GPR39: variants seen among roughly 807,000 people sequenced by gnomAD.
GPR39 encodes the protein zinc sensing receptor.
GPR39 carries 23 observed loss-of-function variants against 18.4 expected under a neutral mutation model. The ratio of observed to expected loss-of-function variants is 1.25; its 90% CI spans 0.90 to 1.77. GPR39 has a LOEUF of 1.77. Ranked by LOEUF, GPR39 falls within the 40% of genes most tolerant of loss-of-function variation. The pLI, the probability that GPR39 is intolerant of heterozygous loss-of-function variation, is 0.00. For synonymous variants in GPR39, 280 were observed against 257.9 expected (o/e 1.09, Z -0.82); for missense variants, 647 against 602.4 (o/e 1.07, Z -0.78).
rs369711864 is a variant in GPR39, at chr2:132,598,018, A to G, written c.857-47083A>G. ...CCACATTGAGCTCAGCTAATCCATC[A>G]GTAGCTGTTTGTTCCTGAGACTGAC... On this transcript the variant is annotated intron_variant, in intron 1 of 1. Transcript: ENST00000329321. Among the ~76,000 whole-genome samples, 5 of 152,326 alleles carry G rather than the reference A, an allele frequency of 3.3e-5. No individual in the cohort carries two copies. The South Asian group carries it at 6.2e-4, about 19-fold the overall frequency.
chr2:132,590,170 G>T (rs979318747), intron 1 of GPR39, among the ~76,000 whole-genome samples: 6 of 152,202 alleles, frequency 3.9e-5, no homozygotes, highest in African/African-American at 1.2e-4. Context: ...CAAAGATGCT[G>T]CAAGGTAATG....
At position 132,435,450 on chromosome 2, in the gene GPR39, T is replaced by A. The variant is rs186115905; in HGVS notation, c.856+17552T>A. 7.6e-3 allele frequency among the ~76,000 whole-genome samples: 1,154 copies of A among 152,352 alleles called. 20 individuals are homozygous for A. The highest frequency in any genetic ancestry group is 6.6e-3 in the Non-Finnish European group (451 of 68,036). The stretch of plus-strand genomic sequence containing the variant: ...TCTCTAGCTTACTTTATGGTATGTA[T>A]ACAATACATACACAAAATATGTGTT... On this transcript the variant is annotated intron_variant, in intron 1 of 1. Coordinates refer to ENST00000329321, the MANE Select transcript of GPR39 (RefSeq NM_001508.3).
intron 1 of GPR39, among the ~76,000 whole-genome samples, chr2:132,431,872 A>G (rs1680229242): frequency 6.6e-6 from 1 of 152,196 alleles, no homozygotes; most frequent in Non-Finnish European, 1.5e-5. Flanking sequence ...GTAGACATTT[A>G]TTTTCTCACA....
At chr2:132,551,721 A>G (rs1382736888) in intron 1 of GPR39, among the ~76,000 whole-genome samples, 1 of 152,254 alleles carries the variant, frequency 6.6e-6, no homozygotes, top group Non-Finnish European at 1.5e-5. Context: ...TACCTGCACT[A>G]TATTTCAACT....
intron 1 of GPR39, among the ~76,000 whole-genome samples, chr2:132,516,051 G>T (rs377037185): frequency 9.2e-5 from 14 of 152,050 alleles, no homozygotes; most frequent in African/African-American, 3.4e-4. Context: ...AGTGACTGAC[G>T]GAAAGATCTT....
chr2:132,417,491 G>C lies in GPR39; in HGVS notation c.449G>C (p.Cys150Ser). 6.2e-7 allele frequency: 1 copy of C among 1,614,178 alleles called. No homozygotes were observed. Among genetic ancestry groups the C allele is most frequent in the Non-Finnish European group, 8.5e-7 (1 of 1,180,032 alleles). The change falls in exon 1 of 2, where the codon TGC (cysteine) becomes TCC (serine). Residue 150 changes from cysteine (C) to serine (S), a missense_variant. By Grantham distance (112) the Cys-to-Ser change is moderately radical. Coordinates refer to ENST00000329321, the MANE Select transcript of GPR39 (RefSeq NM_001508.3). The stretch of plus-strand genomic sequence containing the variant: ...AGGTACAAGGCTGTGTCGGGACCTT[G>C]CCAGGTGAAGCTGCTGATTGGCTTC... Reference protein sequence around the residue: ...PFRYKAVSGPCQVKLLIGFVW... With the variant: ...PFRYKAVSGPSQVKLLIGFVW...
chr2:132,606,915 G>A (rs1393064855), intron 1 of GPR39, among the ~76,000 whole-genome samples: 1 of 152,170 alleles, frequency 6.6e-6, no homozygotes, highest in East Asian at 1.9e-4. Flanking sequence ...CAAGGGAGAA[G>A]TAGGCTCCAA....
At chr2:132,594,313 T>C (rs1212938198) in intron 1 of GPR39, among the ~76,000 whole-genome samples, 1 of 152,150 alleles carries the variant, frequency 6.6e-6, no homozygotes, top group Admixed American at 6.5e-5. Context: ...CTTTTTTGGC[T>C]AAAATGATCT....
intron 1 of GPR39, among the ~76,000 whole-genome samples, chr2:132,610,777 C>CAAAAAAAAA (rs34611787): frequency 1.1e-4 from 10 of 88,726 alleles, no homozygotes; most frequent in African/African-American, 4.5e-4. Context: ...ACTCTGTCTC[C>CAAAAAAAAA]AAAAAAAAAA....
chr2:132,548,052 C>T (rs1405447422), intron 1 of GPR39, among the ~76,000 whole-genome samples: 1 of 152,160 alleles, frequency 6.6e-6, no homozygotes, highest in Non-Finnish European at 1.5e-5. Context: ...CCCGCTTACG[C>T]CCCTTCCCAA....
intron 1 of GPR39, among the ~76,000 whole-genome samples, chr2:132,548,890 C>T (rs925921378): frequency 4.6e-5 from 7 of 152,198 alleles, no homozygotes; most frequent in African/African-American, 1.7e-4. Flanking sequence ...CCTATACATT[C>T]ACATTGTTCA....
chr2:132,595,384 A>G (rs1680921196), intron 1 of GPR39, among the ~76,000 whole-genome samples: 1 of 152,070 alleles, frequency 6.6e-6, no homozygotes, highest in Non-Finnish European at 1.5e-5. Context: ...TTGCACTCCA[A>G]GCTAAGGTTA....
chr2:132,586,963 A>G (rs1282448262), intron 1 of GPR39, among the ~76,000 whole-genome samples: 3 of 152,256 alleles, frequency 2.0e-5, no homozygotes, highest in African/African-American at 7.2e-5. Flanking sequence ...TGCAATGGAA[A>G]GTAGGATTTT....
intron 1 of GPR39, among the ~76,000 whole-genome samples, chr2:132,561,414 C>T (rs1215025291): frequency 6.6e-6 from 1 of 152,138 alleles, no homozygotes; most frequent in Admixed American, 6.6e-5. Context: ...TTAACTGCTG[C>T]CTTAGTGTAG....
chr2:132,456,974 G>T (rs1009583402), intron 1 of GPR39, among the ~76,000 whole-genome samples: 2 of 152,104 alleles, frequency 1.3e-5, no homozygotes, highest in African/African-American at 4.8e-5. Flanking sequence ...GGCTCTCCTC[G>T]AGGAGTATCT....
chr2:132,453,936 T>C (rs1231865727), intron 1 of GPR39, among the ~76,000 whole-genome samples: 1 of 152,216 alleles, frequency 6.6e-6, no homozygotes, highest in Non-Finnish European at 1.5e-5. Flanking sequence ...CTTTGTTCCT[T>C]TGGCTTAGGA....
At chr2:132,545,421 C>G (rs1679929234) in intron 1 of GPR39, among the ~76,000 whole-genome samples, 1 of 152,198 alleles carries the variant, frequency 6.6e-6, no homozygotes, top group South Asian at 2.1e-4. Context: ...CTCTCATGTT[C>G]TATTGTGCAC....
chr2:132,472,667 C>T (rs1362971428), intron 1 of GPR39, among the ~76,000 whole-genome samples: 1 of 152,118 alleles, frequency 6.6e-6, no homozygotes, highest in East Asian at 1.9e-4. Context: ...AGTGACCTGA[C>T]CATGAACTTA....
Position 132,471,401 on chromosome 2 carries a change from G to A in GPR39, c.856+53503G>A, listed in dbSNP as rs537953521. 7.2e-5 allele frequency among the ~76,000 whole-genome samples: 11 copies of A among 152,320 alleles called. 1 individual carries two copies. The South Asian group carries it at 2.3e-3, about 32-fold the overall frequency. On this transcript the variant is annotated intron_variant, in intron 1 of 1. Transcript: ENST00000329321. ...CATGGTAGATAGAGCTTCAAGCTCA[G>A]TGGAAGCTTTACTGTATCCACTAGT... is the stretch of plus-strand genomic sequence containing the variant.
Sources: allele counts gnomAD v4.1 joint callset (sites outside exome capture counted in the v4.1 genomes callset), GRCh38; gene constraint gnomAD v4.1.1; transcripts MANE v1.5; gene names NCBI Gene and HGNC (gene_info 2026-07-23, HGNC 2026-07-21).